The following COTL1 variants were observed in gnomAD, a reference collection of about 807,000 sequenced individuals.
COTL1 encodes coactosin-like protein.
A neutral mutation model predicts 16.5 loss-of-function variants in COTL1; 15 were observed. The observed-to-expected ratio is 0.91, with a 90% CI of 0.61 to 1.40. The LOEUF (loss-of-function observed/expected upper bound fraction) is 1.40. COTL1 is among the 40% of genes most tolerant of loss of function. COTL1 has a pLI of 0.00. For missense variants in COTL1, 220 were observed against 201.5 expected (o/e 1.09, Z -0.56); for synonymous variants, 112 against 85.3 (o/e 1.31, Z -1.73).
chr16:84,581,933 G>A (rs1180415926), intron 3 of COTL1, among the ~76,000 whole-genome samples: 1 of 149,928 alleles, frequency 6.7e-6, no homozygotes, highest in African/African-American at 2.5e-5. Flanking sequence ...ATAAGCTTCT[G>A]TCCTGGTAAT....
chr16:84,613,707 C>G (rs759950791), intron 2 of COTL1, among the ~76,000 whole-genome samples: 2 of 152,174 alleles, frequency 1.3e-5, no homozygotes, highest in Non-Finnish European at 2.9e-5. Context: ...TAGACTGTTG[C>G]TATGAAGAGG....
chr16:84,617,634 C>T (rs1905531525), intron 1 of COTL1, 51 bp from the exon 2 acceptor site: 2 of 1,523,160 alleles, frequency 1.3e-6, no homozygotes, highest in South Asian at 1.2e-5. Flanking sequence ...CGCTGGTGGC[C>T]GCGCGACGCG....
chr16:84,612,860 G>A (rs2150697829), intron 2 of COTL1, among the ~76,000 whole-genome samples: 1 of 152,262 alleles, frequency 6.6e-6, no homozygotes, highest in East Asian at 1.9e-4. Flanking sequence ...CACCCTCAGA[G>A]GTAGGCATGT....
At position 84,566,712 on chromosome 16, in the gene COTL1, G is replaced by C. The variant is rs930754142; in HGVS notation, c.*133C>G. 8 of 622,670 alleles carry C rather than the reference G, an allele frequency of 1.3e-5. No homozygotes were observed. The highest frequency in any genetic ancestry group is 2.0e-5 in the Non-Finnish European group (7 of 347,948). 38.6% of individuals were successfully genotyped at this position (622,670 alleles called of 1,614,324 possible). ...GGGAAGGTGGGGGCTGTGGACACAG[G>C]GTGGCGGGCGCTGCCTCTCATGGCT... On this transcript the variant is annotated 3_prime_UTR_variant, in exon 4 of 4. Transcript: ENST00000262428.
intron 2 of COTL1, chr16:84,616,413 G>A (rs1045563179): frequency 6.6e-6 from 1 of 152,190 alleles, no homozygotes; most frequent in Non-Finnish European, 1.5e-5. Context: ...TGAGGCAGGA[G>A]AATCTCTTGA....
chr16:84,579,823 A>T (rs1031108864), intron 3 of COTL1, among the ~76,000 whole-genome samples: 1 of 152,194 alleles, frequency 6.6e-6, no homozygotes, highest in Non-Finnish European at 1.5e-5. Flanking sequence ...GGAAGAGAAG[A>T]GGGGGAGGAA....
In COTL1 at chr16:84,603,140, G is replaced by A. The variant is rs1435874587; in HGVS notation, c.161-12878C>T. Among the ~76,000 whole-genome samples, 8 of 152,266 alleles carry A rather than the reference G, an allele frequency of 5.3e-5. No homozygotes were observed. The East Asian group carries it at 1.5e-3, about 29-fold the overall frequency. ...CCCGGAGGCCTCTCCATCTCTGCCT[G>A]GGAGCCCCTGGTTGGTGGGGGCAGA... On this transcript the variant is annotated intron_variant, in intron 2 of 3. Coordinates refer to ENST00000262428, the MANE Select transcript of COTL1 (RefSeq NM_021149.5).
chr16:84,617,812 C>A (rs377560658), intron 1 of COTL1, 26 bp downstream of exon 1: 206 of 1,557,516 alleles, frequency 1.3e-4, no homozygotes, highest in Middle Eastern at 6.7e-4. Flanking sequence ...GGGAGCGGGG[C>A]GTGGAGACGA....
intron 3 of COTL1, chr16:84,568,080 C>T (rs551835236): frequency 6.6e-6 from 1 of 152,332 alleles, no homozygotes; most frequent in African/African-American, 2.4e-5. Flanking sequence ...TCACAGCAAC[C>T]TCTGCCCCCA....
In COTL1 at chr16:84,566,847, A is replaced by G; in HGVS notation, c.427T>C (p.Ter143GlnextTer27). 1 of 1,605,164 alleles carries G rather than the reference A, an allele frequency of 6.2e-7. No individual in the cohort carries two copies. Residue 143 changes from the stop codon to glutamine, a stop_lost, in exon 4 of 4, where the codon TAA (stop) becomes CAA (glutamine). Coordinates refer to ENST00000262428, the MANE Select transcript of COTL1 (RefSeq NM_021149.5). Reference protein sequence around the residue: ...GGANYDAQTE* With the variant: ...GGANYDAQTEQ ...GGGTGGTGTGGCGGGGGCTGGGGTT[A>G]CTCCGTCTGGGCGTCGTAATTGGCT... is the stretch of plus-strand genomic sequence containing the variant.
At chr16:84,617,409 C>T in intron 2 of COTL1, 92 bp downstream of exon 2, 1 of 1,241,016 alleles carries the variant, frequency 8.1e-7, no homozygotes, top group Non-Finnish European at 1.1e-6. Flanking sequence ...ATGTGGCCAC[C>T]GGTTCCTCCC....
chr16:84,598,091 C>T (rs1056737638), intron 2 of COTL1, among the ~76,000 whole-genome samples: 1 of 152,174 alleles, frequency 6.6e-6, no homozygotes, highest in African/African-American at 2.4e-5. Context: ...CGGTGGTTTC[C>T]TTCTGGTCGG....
intron 3 of COTL1, among the ~76,000 whole-genome samples, chr16:84,577,281 A>C (rs1904475158): frequency 1.3e-5 from 2 of 152,162 alleles, no homozygotes; most frequent in Non-Finnish European, 2.9e-5. Context: ...GTCTTGCTCC[A>C]CTGCCCAGTC....
chr16:84,600,559 C>T (rs144059289), intron 2 of COTL1, among the ~76,000 whole-genome samples: 2 of 152,296 alleles, frequency 1.3e-5, no homozygotes, highest in Non-Finnish European at 2.9e-5. Flanking sequence ...GTGAACTGCC[C>T]GCCTCAGTCT....
chr16:84,613,631 T>C (rs1489935335), intron 2 of COTL1, among the ~76,000 whole-genome samples: 1 of 152,100 alleles, frequency 6.6e-6, no homozygotes, highest in African/African-American at 2.4e-5. Context: ...AGAAATGTAC[T>C]GTAGAAAGAA....
At chr16:84,583,709 C>G (rs1052076430) in intron 3 of COTL1, among the ~76,000 whole-genome samples, 1 of 152,166 alleles carries the variant, frequency 6.6e-6, no homozygotes, top group Non-Finnish European at 1.5e-5. Context: ...ATCCTCCTGC[C>G]TTGGTCTCCC....
chr16:84,615,581 T>C (rs993218949), intron 2 of COTL1, among the ~76,000 whole-genome samples: 1 of 152,154 alleles, frequency 6.6e-6, no homozygotes, highest in African/African-American at 2.4e-5. Flanking sequence ...GGGAAGCTGG[T>C]CTGTAAAGCA....
intron 2 of COTL1, among the ~76,000 whole-genome samples, chr16:84,606,912 A>G (rs11862800): frequency 0.039 from 5,991 of 152,284 alleles, 425 homozygotes; most frequent in African/African-American, 0.14. Flanking sequence ...GAACCCAGGC[A>G]TTACGGGTTC....
At chr16:84,578,417 G>A (rs962839255) in intron 3 of COTL1, among the ~76,000 whole-genome samples, 3 of 152,206 alleles carry the variant, frequency 2.0e-5, no homozygotes, top group African/African-American at 7.2e-5. Flanking sequence ...TATACGCCAG[G>A]CAATTATTAT....
Sources: gnomAD v4.1 joint callset for allele counts (sites outside exome capture counted in the v4.1 genomes callset) on GRCh38, gnomAD v4.1.1 for gene constraint, MANE v1.5 for transcripts, NCBI Gene and HGNC (gene_info 2026-07-23, HGNC 2026-07-21) for gene names.